Variants in POGZ observed in about 807,000 individuals in gnomAD.
The protein encoded by POGZ is pogo transposable element derived with ZNF domain, also known as pogo transposable element with ZNF domain.
A neutral mutation model predicts 134.6 loss-of-function variants in POGZ; 17 were observed. The ratio of observed to expected loss-of-function variants is 0.13; its 90% CI spans 0.09 to 0.19. The LOEUF is 0.19. POGZ is among the 10% of genes least tolerant of loss of function. POGZ has a pLI of 1.00. For missense variants in POGZ, 1,306 were observed against 1,769.7 expected, an observed-to-expected ratio of 0.74 and a Z score of 4.70; for synonymous variants, 693 against 657.1, an observed-to-expected ratio of 1.05 and a Z score of -0.84.
intron 1 of POGZ, among the ~76,000 whole-genome samples, chr1:151,457,991 A>G (rs1662974375): frequency 6.6e-6 from 1 of 151,844 alleles, no homozygotes; most frequent in South Asian, 2.1e-4. Flanking sequence ...AGAGGTGTCT[A>G]CGGGCTTGGA....
At position 151,420,145 on chromosome 1, in the gene POGZ, G is replaced by A. The variant is rs141291305; in HGVS notation, c.1678+3252C>T. Among the ~76,000 whole-genome samples, 206 of 152,186 alleles carry A rather than the reference G, an allele frequency of 1.4e-3. 2 individuals are homozygous for A. The highest frequency in any genetic ancestry group is 0.01 in the East Asian group (53 of 5,166). ...CGAGGCTGCAGTGAGCTAAGATTGC[G>A]TCACTGCACCCCAGCCTGGGTGGCA... On this transcript the variant is annotated intron_variant, in intron 10 of 18. Transcript: ENST00000271715.
At chr1:151,438,286 T>C (rs1203472094) in intron 3 of POGZ, among the ~76,000 whole-genome samples, 1 of 151,976 alleles carries the variant, frequency 6.6e-6, no homozygotes, top group Non-Finnish European at 1.5e-5. Flanking sequence ...TTTATATAGA[T>C]ATATAAAGTA....
At chr1:151,432,749 A>G (rs1244021977) in intron 3 of POGZ, among the ~76,000 whole-genome samples, 1 of 152,190 alleles carries the variant, frequency 6.6e-6, no homozygotes, top group Non-Finnish European at 1.5e-5. Flanking sequence ...AAGTATTTCA[A>G]AATATACCTT....
In POGZ at chr1:151,403,545, T is replaced by C. The variant is rs770238137; in HGVS notation, c.*1257A>G. The stretch of plus-strand genomic sequence containing the variant: ...TACAGTACGTTTTGGTTTACAACCA[T>C]GAGTACATACAATTAAAAAAATCCC... On this transcript the variant is annotated 3_prime_UTR_variant, in exon 19 of 19. Coordinates refer to ENST00000271715, the MANE Select transcript of POGZ (RefSeq NM_015100.4). The C allele has an allele frequency of 6.1e-4, 600 of 985,512 alleles. No individual in the cohort carries two copies. Among genetic ancestry groups the C allele is most frequent in the Non-Finnish European group, 6.9e-4 (574 of 829,636 alleles). The allele number at this position is 985,512 out of a possible 1,614,324, so 61.0% of individuals were successfully genotyped here.
At position 151,403,638 on chromosome 1, in the gene POGZ, T is replaced by G. The variant is rs1653083993; in HGVS notation, c.*1164A>C. On this transcript the variant is annotated 3_prime_UTR_variant, in exon 19 of 19. Coordinates refer to ENST00000271715, the MANE Select transcript of POGZ (RefSeq NM_015100.4). ...AGTGAAAAATAAAGATTCATGTCAT[T>G]TTCTTTGTGCACACCCCTGTGCGCT... 1.0e-6 allele frequency: 1 copy of G among 985,668 alleles called. No individual in the cohort carries two copies. Among genetic ancestry groups the G allele is most frequent in the African/African-American group, 1.7e-5 (1 of 57,258 alleles). The allele number at this position is 985,668 out of a possible 1,614,324, so 61.1% of individuals were successfully genotyped here.
Position 151,424,178 on chromosome 1 carries a change from C to T in POGZ, c.1294G>A (p.Val432Ile), listed in dbSNP as rs758923354. 5.6e-6 allele frequency: 9 copies of T among 1,614,038 alleles called. No homozygotes were observed. In the South Asian group the frequency reaches 6.6e-5, roughly 12 times the overall value. The change falls in exon 9 of 19, where the codon GTT becomes ATT. Residue 432 changes from valine (V) to isoleucine (I), a missense_variant. Val to Ile is a conservative substitution (Grantham distance 29). Coordinates refer to ENST00000271715, the MANE Select transcript of POGZ (RefSeq NM_015100.4). ...GGTGTAGAAGAGGGTGTGGAAGCAA[C>T]AGGAGCTGTTTTCTCAGGGGATGGG... ...KPPSPEKTAP[V>I]ASTPSSTPIP...
intron 17 of POGZ, 128 bp downstream of exon 17, chr1:151,406,783 C>T: frequency 1.0e-6 from 1 of 964,512 alleles, no homozygotes; most frequent in Non-Finnish European, 1.6e-6. Flanking sequence ...CGGAAGGTTT[C>T]TAATTAGGTC....
chr1:151,450,023 A>ATTTTTT (rs1171783071), intron 1 of POGZ, among the ~76,000 whole-genome samples: 4 of 74,306 alleles, frequency 5.4e-5, no homozygotes, highest in Admixed American at 2.1e-4. Flanking sequence ...GTGAAACTTG[A>ATTTTTT]TTTTTTTTTT....
chr1:151,406,719 A>G, intron 17 of POGZ, 88 bp from the exon 18 acceptor site: 1 of 1,173,948 alleles, frequency 8.5e-7, no homozygotes, highest in Admixed American at 2.0e-5. Context: ...CTTACTACAT[A>G]CAAATACGCT....
intron 1 of POGZ, among the ~76,000 whole-genome samples, chr1:151,444,562 T>C (rs1024356506): frequency 2.6e-5 from 4 of 152,208 alleles, no homozygotes; most frequent in African/African-American, 4.8e-5. Flanking sequence ...GACCTACTTT[T>C]GTCCTGACCA....
At chr1:151,444,596 T>C (rs553387303) in intron 1 of POGZ, among the ~76,000 whole-genome samples, 11 of 152,170 alleles carry the variant, frequency 7.2e-5, no homozygotes, top group Non-Finnish European at 1.0e-4. Flanking sequence ...TCTCCACACA[T>C]ATGAAAACTT....
At chr1:151,407,048 T>C in intron 16 of POGZ, 25 bp from the exon 17 acceptor site, 2 of 1,563,314 alleles carry the variant, frequency 1.3e-6, no homozygotes, top group Non-Finnish European at 1.8e-6. Flanking sequence ...TGAGACTATG[T>C]AAGACAAACA....
chr1:151,455,906 T>C (rs1045885203), intron 1 of POGZ, among the ~76,000 whole-genome samples: 8 of 150,576 alleles, frequency 5.3e-5, no homozygotes, highest in African/African-American at 7.3e-5. Flanking sequence ...TTTTTTTTTT[T>C]TTTTTTTTTT....
In POGZ at chr1:151,408,244, TG is replaced by T. The variant is rs754157362; in HGVS notation, c.2235-5del. ...TGTCTGCCGGCCCATGACACTCCTG[TG>T]GGGGAAAAAAAAAAAGAATTCTCAT... On this transcript the variant is annotated splice_region_variant and splice_polypyrimidine_tract_variant and intron_variant, in intron 14 of 18. Coordinates refer to ENST00000271715, the MANE Select transcript of POGZ (RefSeq NM_015100.4). 3 of 1,601,708 alleles carry T rather than the reference TG, an allele frequency of 1.9e-6. No homozygotes were observed. The highest frequency in any genetic ancestry group is 2.6e-6 in the Non-Finnish European group (3 of 1,176,240).
intron 1 of POGZ, among the ~76,000 whole-genome samples, chr1:151,445,386 G>A (rs528154439): frequency 9.9e-5 from 15 of 151,892 alleles, no homozygotes; most frequent in Non-Finnish European, 1.9e-4. Context: ...GCCGGACATG[G>A]TGGCACACGC....
intron 10 of POGZ, 135 bp downstream of exon 10, chr1:151,423,262 T>C: frequency 1.4e-6 from 1 of 713,224 alleles, no homozygotes; most frequent in Non-Finnish European, 2.3e-6. Context: ...AGTAAAGAAC[T>C]GGCTACAAAT....
intron 7 of POGZ, 114 bp downstream of exon 7, chr1:151,427,709 A>C: frequency 8.1e-5 from 55 of 680,146 alleles, no homozygotes; most frequent in Middle Eastern, 4.1e-4. Flanking sequence ...AACAAACTAC[A>C]GCAGCTGTAT....
intron 10 of POGZ, among the ~76,000 whole-genome samples, chr1:151,419,171 C>T (rs1049274401): frequency 3.3e-5 from 5 of 151,670 alleles, no homozygotes; most frequent in Admixed American, 6.6e-5. Flanking sequence ...CTGAACGACA[C>T]GGCGAAACCC....
intron 4 of POGZ, among the ~76,000 whole-genome samples, chr1:151,430,356 C>T (rs774805956): frequency 3.3e-5 from 5 of 152,204 alleles, no homozygotes; most frequent in East Asian, 1.9e-4. Context: ...GAGCAGTCCA[C>T]GCAAAGGGTG....
Sources: gnomAD v4.1 joint callset for allele counts (sites outside exome capture counted in the v4.1 genomes callset) on GRCh38, gnomAD v4.1.1 for gene constraint, MANE v1.5 for transcripts, NCBI Gene and HGNC (gene_info 2026-07-23, HGNC 2026-07-21) for gene names.